The following CCDC28B variants were observed in gnomAD, a reference collection of about 807,000 sequenced individuals.
CCDC28B encodes coiled-coil domain-containing protein 28B.
Under a neutral mutation model 18.7 loss-of-function variants are expected in CCDC28B, and 17 were observed. The ratio of observed to expected loss-of-function variants is 0.91; its 90% confidence interval spans 0.62 to 1.36. The LOEUF is 1.36. CCDC28B is among the 40% of genes most tolerant of loss of function. CCDC28B has a pLI of 0.00. For synonymous variants in CCDC28B, 116 were observed against 105.1 expected (o/e 1.10, Z -0.64); for missense variants, 213 against 251.7 (o/e 0.85, Z 1.04).
In CCDC28B at chr1:32,201,944, C is replaced by CA; in HGVS notation, c.14dup (p.Lys6GlufsTer82). 6.2e-7 allele frequency: 1 copy of CA among 1,600,092 alleles called. No individual in the cohort carries two copies. The highest frequency in any genetic ancestry group is 1.3e-5 in the African/African-American group (1 of 74,108). On this transcript the variant is annotated frameshift_variant, in exon 2 of 6. Coordinates refer to ENST00000373602, the MANE Select transcript of CCDC28B (RefSeq NM_024296.5). LOFTEE classifies it high-confidence loss of function. Reference sequence around the variant, plus strand: ...GGCCCAGCCAGCGCCCAATGGATGACAAAAAGAAGAAACGGAGTCCCAAGC... The same window carrying CA: ...GGCCCAGCCAGCGCCCAATGGATGACAAAAAAGAAGAAACGGAGTCCCAAGC...
At chr1:32,202,492 C>A in intron 2 of CCDC28B, 1 of 367,024 alleles carries the variant, frequency 2.7e-6, no homozygotes, top group Non-Finnish European at 5.3e-6. Context: ...TACCTGGGGG[C>A]ACAATTTGAA....
At chr1:32,204,941 A>G in intron 5 of CCDC28B, 8 of 1,404,210 alleles carry the variant, frequency 5.7e-6, no homozygotes, top group Non-Finnish European at 7.6e-6. Context: ...TTACACTACC[A>G]CCTCACCTGG....
Position 32,204,370 on chromosome 1 carries a change from G to A in CCDC28B, c.516G>A (p.Leu172=). 1 of 1,577,192 alleles carries A rather than the reference G, an allele frequency of 6.3e-7. No individual in the cohort carries two copies. Among genetic ancestry groups the A allele is most frequent in the East Asian group, 2.2e-5 (1 of 44,660 alleles). The change falls in exon 4 of 6, where the codon CTG becomes CTA. Residue 172 remains leucine (L), a synonymous_variant. Transcript: ENST00000373602. ...TGGCTGACCGTAACCTGGACCAGCT[G>A]CTTAGCAATGTGGGTTCATGTCTGG... The part of the protein sequence containing the change: ...KTMADRNLDQ[L]LSNLEDLSNS...
intron 2 of CCDC28B, 192 bp downstream of exon 2, chr1:32,202,291 G>A (rs1489757387): frequency 4.0e-6 from 3 of 745,012 alleles, no homozygotes; most frequent in East Asian, 5.4e-5. Context: ...GGCCAGGTGG[G>A]TCACTGGGAT....
At chr1:32,201,316 A>G (rs1214028201) in intron 1 of CCDC28B, among the ~76,000 whole-genome samples, 2 of 152,126 alleles carry the variant, frequency 1.3e-5, no homozygotes, top group Non-Finnish European at 2.9e-5. Flanking sequence ...GGAGTCCCTA[A>G]TATTTTCGGT....
At position 32,205,347 on chromosome 1, in the gene CCDC28B, G is replaced by T; in HGVS notation, c.*99G>T. On this transcript the variant is annotated 3_prime_UTR_variant, in exon 6 of 6. Coordinates refer to ENST00000373602, the MANE Select transcript of CCDC28B (RefSeq NM_024296.5). The surrounding 1 kb of genome is among the most constrained non-coding windows in gnomAD (Gnocchi z 5.6). ...TCTGCGGCCCCCCAGGTGCTATGGG[G>T]GAGGGGGGCGTTGAATGGAATTAAA... is the stretch of plus-strand genomic sequence containing the variant. 8.1e-7 allele frequency: 1 copy of T among 1,234,272 alleles called. No homozygotes were observed. 76.5% of individuals were successfully genotyped at this position (1,234,272 alleles called of 1,614,324 possible).
In CCDC28B at chr1:32,200,957, C is replaced by T. The variant is rs1322695881; in HGVS notation, c.-24+248C>T. The stretch of plus-strand genomic sequence containing the variant: ...AGGCAGAGGATGCGCTCCTATCTCC[C>T]CTCCCCACACCCGCAGACCCCGTCA... On this transcript the variant is annotated intron_variant, in intron 1 of 5. Transcript: ENST00000373602. Among the ~76,000 whole-genome samples the T allele has an allele frequency of 6.6e-5, 10 of 152,180 alleles. 1 individual carries two copies. Among genetic ancestry groups the T allele is most frequent in the Admixed American group, 6.5e-4 (10 of 15,278 alleles).
chr1:32,201,971 C>T lies in CCDC28B; in HGVS notation c.36C>T (p.Pro12=), dbSNP rs780752084. 6.2e-7 allele frequency: 1 copy of T among 1,611,718 alleles called. No homozygotes were observed. Among genetic ancestry groups the T allele is most frequent in the African/African-American group, 1.3e-5 (1 of 74,828 alleles). ...AAAAGAAGAAACGGAGTCCCAAGCC[C>T]TGCCTGGCCCAGCCAGCCCAGGCCC... ...DDKKKKRSPK[P]CLAQPAQAPG... The change falls in exon 2 of 6, where the codon CCC becomes CCT. Residue 12 remains proline, a synonymous_variant. Coordinates refer to ENST00000373602, the MANE Select transcript of CCDC28B (RefSeq NM_024296.5).
chr1:32,201,797 G>C, intron 1 of CCDC28B, 116 bp from the exon 2 acceptor site: 2 of 825,696 alleles, frequency 2.4e-6, no homozygotes, highest in Non-Finnish European at 3.9e-6. Flanking sequence ...CTACCGTATA[G>C]ATGAGGTGAC....
At chr1:32,201,302 A>G (rs1300073882) in intron 1 of CCDC28B, among the ~76,000 whole-genome samples, 2 of 152,132 alleles carry the variant, frequency 1.3e-5, no homozygotes, top group African/African-American at 4.8e-5. Context: ...CGCGGGACCT[A>G]TAGGGAGTCC....
At chr1:32,199,255 GCCCACAAT>G (rs1643095135), upstream of CCDC28B, among the ~76,000 whole-genome samples, 1 of 152,138 alleles carries the variant, frequency 6.6e-6, no homozygotes, top group African/African-American at 2.4e-5. Context: ...AAATAGATGT[GCCCACAAT>G]GACTGTGACA....
intron 5 of CCDC28B, 25 bp downstream of exon 5, chr1:32,204,645 A>ATG (rs772582145): frequency 3.1e-6 from 5 of 1,611,116 alleles, no homozygotes; most frequent in South Asian, 1.1e-5. Flanking sequence ...GAACCCGTCT[A>ATG]TGTGTGTGTG....
upstream of CCDC28B, chr1:32,196,379 T>G (rs1003398158): frequency 1.2e-4 from 19 of 152,288 alleles, no homozygotes; most frequent in Admixed American, 1.0e-3. Flanking sequence ...TTGTCCTGAT[T>G]CTATTTCCTG....
chr1:32,203,164 AAAAAG>A (rs1007838091), intron 2 of CCDC28B: 2 of 151,914 alleles, frequency 1.3e-5, no homozygotes, highest in African/African-American at 4.8e-5. Flanking sequence ...TTAATTAAAA[AAAAAG>A]AAGAGGGCTA....
chr1:32,200,346 ACTCTGT>A (rs1643122182), upstream of CCDC28B: 1 of 150,558 alleles, frequency 6.6e-6, no homozygotes, highest in Non-Finnish European at 1.5e-5. Flanking sequence ...TCACTCACTC[ACTCTGT>A]CTCTCCTCTC....
Position 32,204,293 on chromosome 1 carries a change from G to A in CCDC28B, c.439G>A (p.Glu147Lys). 1 of 1,613,720 alleles carries A rather than the reference G, an allele frequency of 6.2e-7. No individual in the cohort carries two copies. Among genetic ancestry groups the A allele is most frequent in the South Asian group, 1.1e-5 (1 of 91,010 alleles). The change falls in exon 4 of 6, where the codon GAG becomes AAG. Residue 147 changes from glutamate to lysine, a missense_variant. By Grantham distance (56) the Glu-to-Lys change is moderately conservative (BLOSUM62 1). Coordinates refer to ENST00000373602, the MANE Select transcript of CCDC28B (RefSeq NM_024296.5). ...DVCGEEEDDE[E>K]EEDGVTEGLP... is the part of the protein sequence containing the mutation. The stretch of plus-strand genomic sequence containing the variant: ...GTGTGGGGAGGAGGAGGACGATGAA[G>A]AGGAAGAGGATGGGGTCACTGAGGG...
In CCDC28B at chr1:32,204,178, C is replaced by T. The variant is rs747436955; in HGVS notation, c.332-8C>T. On this transcript the variant is annotated splice_polypyrimidine_tract_variant and splice_region_variant and intron_variant, in intron 3 of 5. Coordinates refer to ENST00000373602, the MANE Select transcript of CCDC28B (RefSeq NM_024296.5). Reference sequence around the variant, plus strand: ...TTTCCCAGGGTTCAGACAGGGGCTTCGTTCCAGGGAAGGAATGCTCCTTTG... The same window carrying T: ...TTTCCCAGGGTTCAGACAGGGGCTTTGTTCCAGGGAAGGAATGCTCCTTTG... 1.4e-5 allele frequency: 22 copies of T among 1,613,794 alleles called. No homozygotes were observed. Among genetic ancestry groups the T allele is most frequent in the Admixed American group, 6.7e-5 (4 of 59,980 alleles).
intron 3 of CCDC28B, 53 bp from the exon 4 acceptor site, chr1:32,204,133 G>GC: frequency 6.2e-7 from 1 of 1,608,604 alleles, no homozygotes; most frequent in African/African-American, 1.3e-5. Flanking sequence ...TGGTTCCAGG[G>GC]TTCCAGGGTT....
Position 32,203,843 on chromosome 1 carries a change from C to T in CCDC28B, c.165-36C>T, listed in dbSNP as rs143254196. The T allele has an allele frequency of 5.4e-4, 793 of 1,478,370 alleles. 9 individuals are homozygous for T. The East Asian group carries it at 0.018, about 34-fold the overall frequency. The allele number at this position is 1,478,370 out of a possible 1,614,324, so 91.6% of individuals were successfully genotyped here. A position where few individuals can be genotyped will look rare whatever the true frequency, so the allele number is the denominator to read the frequency against. ...AGATCGGGAGGTGCCTGACTGCCCC[C>T]TACCCTGTGATCATGGTCATGTCCA... On this transcript the variant is annotated intron_variant, in intron 2 of 5. Coordinates refer to ENST00000373602, the MANE Select transcript of CCDC28B (RefSeq NM_024296.5).
Sources: gnomAD v4.1 joint callset for allele counts (sites outside exome capture counted in the v4.1 genomes callset) on GRCh38, gnomAD v4.1.1 for gene constraint, Gnocchi (gnomAD v3.1) non-coding constraint, MANE v1.5 for transcripts, NCBI Gene and HGNC (gene_info 2026-07-23, HGNC 2026-07-21) for gene names.